NLGN4X: variants seen among roughly 807,000 people sequenced by gnomAD.
NLGN4X encodes neuroligin 4 X-linked.
A neutral mutation model predicts 40.3 loss-of-function variants in NLGN4X; 3 were observed. The observed-to-expected ratio is 0.07, with a 90% confidence interval of 0.03 to 0.19. The LOEUF (loss-of-function observed/expected upper bound fraction) is 0.19. Ranked by LOEUF, NLGN4X falls within the 10% of genes least tolerant of loss-of-function variation. The pLI, the probability that NLGN4X is intolerant of heterozygous loss-of-function variation, is 1.00. For synonymous variants in NLGN4X, 270 were observed against 306.8 expected (o/e 0.88, Z 1.25); for missense variants, 382 against 708.3 (o/e 0.54, Z 5.23).
intron 2 of NLGN4X, among the ~76,000 whole-genome samples, chrX:6,034,428 T>C (rs1212169489): frequency 8.9e-6 from 1 of 112,571 alleles, no homozygotes; most frequent in Non-Finnish European, 1.9e-5. Flanking sequence ...TTGATTATTA[T>C]TAATAAAGCT....
rs769963894 is a variant in NLGN4X, at chrX:6,152,953, T to C, written c.-305-1182A>G. On this transcript the variant is annotated intron_variant, in intron 1 of 5. Transcript: ENST00000381095. ...TTTGTCTTTACATAGATAATATAAC[T>C]ATCCCTACATAAGTCGCTGCTCCTG... Among the ~76,000 whole-genome samples the C allele has an allele frequency of 2.7e-5, 3 of 112,376 alleles. No homozygotes were observed. The East Asian group carries it at 8.4e-4, about 32-fold the overall frequency.
intron 3 of NLGN4X, among the ~76,000 whole-genome samples, chrX:5,942,877 T>G (rs1017034111): frequency 9.0e-6 from 1 of 110,950 alleles, no homozygotes; most frequent in Non-Finnish European, 1.9e-5. Context: ...TAGACAGGAA[T>G]GTGGTAAGCA....
At chrX:6,128,258 C>T (rs2147609429) in intron 2 of NLGN4X, among the ~76,000 whole-genome samples, 1 of 111,893 alleles carries the variant, frequency 8.9e-6, no homozygotes, top group East Asian at 2.8e-4. Flanking sequence ...TTTTACACCA[C>T]TGTAAATAGT....
chrX:5,902,086 A>C (rs1426290664), intron 5 of NLGN4X, among the ~76,000 whole-genome samples: 1 of 110,870 alleles, frequency 9.0e-6, no homozygotes. Context: ...ATATGGTTGA[A>C]ATTAGACTTA....
intron 2 of NLGN4X, among the ~76,000 whole-genome samples, chrX:6,058,555 T>C (rs2037691439): frequency 8.9e-6 from 1 of 112,170 alleles, no homozygotes; most frequent in East Asian, 2.8e-4. Context: ...TAGCATATGA[T>C]AAGAAAAGGG....
In NLGN4X at chrX:6,205,208, C is replaced by T. The variant is rs142144896; in HGVS notation, c.-306+23333G>A. 9.8e-3 allele frequency among the ~76,000 whole-genome samples: 1,104 copies of T among 112,199 alleles called. 11 individuals are homozygous for T. The highest frequency in any genetic ancestry group is 0.034 in the African/African-American group (1,035 of 30,895). ...CTACGAATTCTCATATTCTCCTAGCCCCATGCCCATTGGCTGTGCCACTCT... is the reference window on the plus strand; with the variant it reads ...CTACGAATTCTCATATTCTCCTAGCTCCATGCCCATTGGCTGTGCCACTCT... On this transcript the variant is annotated intron_variant, in intron 1 of 5. Transcript: ENST00000381095.
chrX:5,939,713 T>G, intron 3 of NLGN4X, among the ~76,000 whole-genome samples: 1 of 111,322 alleles, frequency 9.0e-6, no homozygotes, highest in South Asian at 3.8e-4. Context: ...GAGATAAGGG[T>G]CCCATGTAGT....
intron 2 of NLGN4X, among the ~76,000 whole-genome samples, chrX:6,041,180 A>G (rs1425374335): frequency 1.8e-5 from 2 of 111,466 alleles, no homozygotes; most frequent in African/African-American, 6.5e-5. Context: ...ACTGTCAAGC[A>G]CCCTGTTAAG....
chrX:6,066,174 G>C (rs186525705), intron 2 of NLGN4X, among the ~76,000 whole-genome samples: 1 of 111,834 alleles, frequency 8.9e-6, no homozygotes, highest in East Asian at 2.8e-4. Flanking sequence ...CCTTTCCCAT[G>C]TTTTCCTCTT....
intron 3 of NLGN4X, among the ~76,000 whole-genome samples, chrX:5,993,690 G>T (rs1451838249): frequency 8.9e-6 from 1 of 111,968 alleles, no homozygotes; most frequent in Non-Finnish European, 1.9e-5. Context: ...CAGTGGTGAA[G>T]GATGAAGATG....
At chrX:6,080,326 G>C (rs772618374) in intron 2 of NLGN4X, among the ~76,000 whole-genome samples, 24 of 111,741 alleles carry the variant, frequency 2.1e-4, no homozygotes, top group Non-Finnish European at 9.4e-5. Flanking sequence ...CAAGTGAACA[G>C]TCCTGACATT....
chrX:5,962,444 G>A (rs762896808), intron 3 of NLGN4X, among the ~76,000 whole-genome samples: 1 of 111,863 alleles, frequency 8.9e-6, no homozygotes, highest in Non-Finnish European at 1.9e-5. Context: ...CAACACTTTT[G>A]CAAAAAAGTC....
intron 1 of NLGN4X, among the ~76,000 whole-genome samples, chrX:6,199,479 A>G (rs111612979): frequency 8.9e-6 from 1 of 111,751 alleles, no homozygotes; most frequent in East Asian, 2.8e-4. Context: ...ATTCTGATAA[A>G]CTCTCAAGAA....
Position 6,161,049 on chromosome X carries a change from T to G in NLGN4X, c.-305-9278A>C, listed in dbSNP as rs2040378249. Among the ~76,000 whole-genome samples the G allele has an allele frequency of 4.2e-5, 4 of 94,664 alleles. No homozygotes were observed. In the South Asian group the frequency reaches 1.5e-3, roughly 34 times the overall value. The allele number at this position is 94,664 out of a possible 115,157, so 82.2% of individuals were successfully genotyped here. ...GATATAAAATATATTATTCTATATA[T>G]AATATAGGATATAAAATATATTATT... On this transcript the variant is annotated intron_variant, in intron 1 of 5. Coordinates refer to ENST00000381095, the MANE Select transcript of NLGN4X (RefSeq NM_181332.3).
intron 2 of NLGN4X, among the ~76,000 whole-genome samples, chrX:6,032,536 G>A (rs1452947139): frequency 9.2e-6 from 1 of 108,419 alleles, no homozygotes; most frequent in Non-Finnish European, 1.9e-5. Flanking sequence ...AATGACAGTG[G>A]TTTCTATACA....
Position 5,893,678 on chromosome X carries a change from AGG to A in NLGN4X, c.1602-14_1602-13del, listed in dbSNP as rs924301197. Reference sequence around the variant, plus strand: ...GTTGATTTGGATCACTGAGGATAGAAGGAAGAAAAAAAGAAAGGTCATACTCT... The same window carrying A: ...GTTGATTTGGATCACTGAGGATAGAAAAGAAAAAAAGAAAGGTCATACTCT... On this transcript the variant is annotated splice_polypyrimidine_tract_variant and intron_variant, in intron 5 of 5. Transcript: ENST00000381095. 2 of 1,208,676 alleles carry A rather than the reference AGG, an allele frequency of 1.7e-6. No individual in the cohort carries two copies. The highest frequency in any genetic ancestry group is 3.5e-5 in the African/African-American group (2 of 56,977).
chrX:6,157,945 G>A (rs1202249156), intron 1 of NLGN4X, among the ~76,000 whole-genome samples: 1 of 111,962 alleles, frequency 8.9e-6, no homozygotes, highest in Non-Finnish European at 1.9e-5. Flanking sequence ...ACATTCTCAT[G>A]AAGGTATCTA....
At chrX:6,105,217 T>C (rs993115361) in intron 2 of NLGN4X, among the ~76,000 whole-genome samples, 1 of 110,666 alleles carries the variant, frequency 9.0e-6, no homozygotes, top group African/African-American at 3.3e-5. Flanking sequence ...TGCACCACCA[T>C]GCCCCACTAA....
chrX:6,150,311 TTTCA>T (rs2040137208), intron 2 of NLGN4X, among the ~76,000 whole-genome samples: 2 of 112,475 alleles, frequency 1.8e-5, no homozygotes, highest in Non-Finnish European at 3.7e-5. Flanking sequence ...GTCTACAGAC[TTTCA>T]TTGTTGTTTT....
Sources: allele counts gnomAD v4.1 joint callset (sites outside exome capture counted in the v4.1 genomes callset), GRCh38; gene constraint gnomAD v4.1.1; transcripts MANE v1.5; gene names NCBI Gene and HGNC (gene_info 2026-07-23, HGNC 2026-07-21).